The following VWA8 variants were observed in gnomAD, a reference collection of about 807,000 sequenced individuals.
VWA8 encodes von Willebrand factor A domain containing 8.
VWA8 carries 221 observed loss-of-function variants against 241.5 expected under a neutral mutation model. That is an observed-to-expected ratio of 0.91 (90% confidence interval 0.82 to 1.02). The LOEUF is 1.02. VWA8 is among the 50% of genes least tolerant of loss of function. The pLI is 0.00. For synonymous variants in VWA8, 852 were observed against 827.1 expected, an observed-to-expected ratio of 1.03 and a Z score of -0.52; for missense variants, 2,322 against 2,328.7, an observed-to-expected ratio of 1.00 and a Z score of 0.06.
Position 41,611,568 on chromosome 13 carries a change from GCA to G in VWA8, c.4877+6_4877+7del. On this transcript the variant is annotated splice_donor_region_variant and intron_variant, in intron 39 of 44. Coordinates refer to ENST00000379310, the MANE Select transcript of VWA8 (RefSeq NM_015058.2). ...TAGTGCTGGTCTAAATGTGATGGGA[GCA>G]CTGACCTCTGCTGGAATGCTCTCTG... is the stretch of plus-strand genomic sequence containing the variant. 1 of 1,613,802 alleles carries G rather than the reference GCA, an allele frequency of 6.2e-7. No individual in the cohort carries two copies. The highest frequency in any genetic ancestry group is 8.5e-7 in the Non-Finnish European group (1 of 1,179,806).
intron 37 of VWA8, among the ~76,000 whole-genome samples, chr13:41,623,151 T>C (rs747806361): frequency 6.6e-6 from 1 of 152,160 alleles, no homozygotes; most frequent in Non-Finnish European, 1.5e-5. Flanking sequence ...CTGTCCTGGA[T>C]GCACTGCTCT....
At chr13:41,737,780 C>A (rs1252159048) in intron 21 of VWA8, among the ~76,000 whole-genome samples, 1 of 151,960 alleles carries the variant, frequency 6.6e-6, no homozygotes, top group South Asian at 2.1e-4. Flanking sequence ...GCATTGTATT[C>A]GTAAGGTATA....
chr13:41,889,404 A>T (rs1476832451), intron 5 of VWA8, among the ~76,000 whole-genome samples: 2 of 150,684 alleles, frequency 1.3e-5, no homozygotes. Context: ...TTTCCGACAG[A>T]GTCTCGCTCC....
At chr13:41,837,308 C>T (rs9532933) in intron 12 of VWA8, among the ~76,000 whole-genome samples, 2,193 of 152,276 alleles carry the variant, frequency 0.014, 31 homozygotes, top group Middle Eastern at 0.041. Flanking sequence ...TAATTAACAA[C>T]TTCTATTGAA....
chr13:41,573,506 T>TATATACAC (rs1439940851), intron 43 of VWA8, among the ~76,000 whole-genome samples: 6 of 141,638 alleles, frequency 4.2e-5, no homozygotes, highest in African/African-American at 1.3e-4. Context: ...TATATATATA[T>TATATACAC]ACCTCTCTCT....
intron 35 of VWA8, among the ~76,000 whole-genome samples, chr13:41,678,637 T>C (rs944931610): frequency 6.6e-6 from 1 of 152,220 alleles, no homozygotes; most frequent in Non-Finnish European, 1.5e-5. Context: ...CCATCAGCAC[T>C]TTTAGATTGC....
At chr13:41,845,961 G>A (rs1593812879) in intron 12 of VWA8, among the ~76,000 whole-genome samples, 1 of 151,728 alleles carries the variant, frequency 6.6e-6, no homozygotes. Context: ...ACCTGCACAC[G>A]TACTTCCTGA....
intron 36 of VWA8, among the ~76,000 whole-genome samples, chr13:41,674,134 A>G: frequency 6.6e-6 from 1 of 152,302 alleles, no homozygotes; most frequent in South Asian, 2.1e-4. Flanking sequence ...TGGAAGAAGT[A>G]TATTTATTTC....
intron 40 of VWA8, among the ~76,000 whole-genome samples, chr13:41,592,390 C>T (rs561600721): frequency 2.2e-3 from 331 of 149,342 alleles, no homozygotes; most frequent in African/African-American, 7.8e-3. Flanking sequence ...GTGGGTGCAG[C>T]GCACCAGCAT....
chr13:41,570,826 C>T (rs2044296680), intron 43 of VWA8, 120 bp from the exon 44 acceptor site: 3 of 777,380 alleles, frequency 3.9e-6, no homozygotes, highest in Middle Eastern at 2.6e-4. Flanking sequence ...ATGAGTAGTA[C>T]ATTCTAAGTT....
At chr13:41,860,991 T>C (rs1028703976) in intron 12 of VWA8, among the ~76,000 whole-genome samples, 1 of 151,782 alleles carries the variant, frequency 6.6e-6, no homozygotes, top group African/African-American at 2.4e-5. Context: ...TATATAATTA[T>C]ATAAATAATA....
intron 20 of VWA8, among the ~76,000 whole-genome samples, chr13:41,768,078 A>G (rs1184318300): frequency 6.6e-6 from 1 of 152,256 alleles, no homozygotes; most frequent in Non-Finnish European, 1.5e-5. Context: ...AAAATAATTT[A>G]AAATAAAAAT....
chr13:41,947,657 G>A (rs61963125), intron 2 of VWA8, among the ~76,000 whole-genome samples: 1,529 of 152,160 alleles, frequency 0.01, 8 homozygotes, highest in Middle Eastern at 0.02. Flanking sequence ...ATTGGTGGTC[G>A]GGCGCAGTGG....
At chr13:41,858,868 G>A (rs1306319065) in intron 12 of VWA8, among the ~76,000 whole-genome samples, 1 of 152,060 alleles carries the variant, frequency 6.6e-6, no homozygotes, top group Non-Finnish European at 1.5e-5. Context: ...GTGACAGACT[G>A]TAGTAAAATA....
At chr13:41,636,847 A>C (rs902311489) in intron 37 of VWA8, among the ~76,000 whole-genome samples, 8 of 152,162 alleles carry the variant, frequency 5.3e-5, no homozygotes, top group East Asian at 1.9e-4. Flanking sequence ...GAGAAATGCA[A>C]ATCAAAACCA....
At chr13:41,573,614 T>C (rs942476162) in intron 43 of VWA8, among the ~76,000 whole-genome samples, 31 of 147,732 alleles carry the variant, frequency 2.1e-4, no homozygotes, top group African/African-American at 5.8e-4. Flanking sequence ...TATACGCATA[T>C]ATATGGTGTG....
At chr13:41,831,189 T>A (rs1871436863) in intron 13 of VWA8, among the ~76,000 whole-genome samples, 1 of 152,186 alleles carries the variant, frequency 6.6e-6, no homozygotes, top group African/African-American at 2.4e-5. Context: ...AAAAGCACTG[T>A]TCTATATCTC....
intron 43 of VWA8, among the ~76,000 whole-genome samples, chr13:41,572,268 C>A (rs2044312510): frequency 6.6e-6 from 1 of 152,164 alleles, no homozygotes; most frequent in Non-Finnish European, 1.5e-5. Flanking sequence ...GTGAGGAGCC[C>A]CTCTGCCAGG....
Position 41,699,136 on chromosome 13 carries a change from G to A in VWA8, c.3499C>T (p.Pro1167Ser), listed in dbSNP as rs767010894. The stretch of plus-strand genomic sequence containing the variant: ...CCCAGCGGTGCCACTGTCACAAAAG[G>A]GTGCCAAACGCCATTGGCTGTTCTT... ...FPRTANGVWH[P>S]FVTVAPLGSP... The change falls in exon 29 of 45, where the codon CCT becomes TCT. Residue 1167 changes from proline to serine, a missense_variant. Transcript: ENST00000379310. 6.2e-7 allele frequency: 1 copy of A among 1,614,036 alleles called. No homozygotes were observed. The highest frequency in any genetic ancestry group is 1.1e-5 in the South Asian group (1 of 91,072).
Sources: gnomAD v4.1 joint callset for allele counts (sites outside exome capture counted in the v4.1 genomes callset) on GRCh38, gnomAD v4.1.1 for gene constraint, MANE v1.5 for transcripts, NCBI Gene and HGNC (gene_info 2026-07-23, HGNC 2026-07-21) for gene names.